The following DLGAP1 variants were observed in gnomAD, a reference collection of about 807,000 sequenced individuals.
The protein encoded by DLGAP1 is disks large-associated protein 1.
In DLGAP1, 11 loss-of-function variants were observed where a neutral mutation model predicts 90.8. The ratio of observed to expected loss-of-function variants is 0.12; its 90% CI spans 0.08 to 0.20. DLGAP1 has a LOEUF of 0.20. DLGAP1 is among the 10% of genes least tolerant of loss of function. The probability of loss-of-function intolerance (pLI) is 1.00; values close to 1 mark genes in which losing one functional copy is unlikely to be tolerated. For missense variants in DLGAP1, 1,050 were observed against 1,333.8 expected (o/e 0.79, Z 3.31); for synonymous variants, 558 against 540.7 (o/e 1.03, Z -0.44).
At chr18:4,161,074 A>AT (rs2076835869) in intron 1 of DLGAP1, among the ~76,000 whole-genome samples, 1 of 134,136 alleles carries the variant, frequency 7.5e-6, no homozygotes, top group African/African-American at 2.8e-5. Flanking sequence ...TCCACAGTTT[A>AT]TTTTTTTCTT....
intron 1 of DLGAP1, among the ~76,000 whole-genome samples, chr18:4,299,992 G>A (rs909096826): frequency 7.0e-5 from 10 of 143,488 alleles, no homozygotes; most frequent in African/African-American, 2.4e-4. Flanking sequence ...AACCTATTTA[G>A]AATATCCAAA....
Position 4,226,191 on chromosome 18 carries a change from T to C in DLGAP1, c.-266-74904A>G, listed in dbSNP as rs531798228. On this transcript the variant is annotated intron_variant, in intron 1 of 12. Coordinates refer to ENST00000315677, the MANE Select transcript of DLGAP1 (RefSeq NM_004746.4). ...AAACCATTGATCTTAGAATAGGATA[T>C]CCAGCAAAAATATTCTTTGAACATG... is the stretch of plus-strand genomic sequence containing the variant. 3.0e-3 allele frequency among the ~76,000 whole-genome samples: 461 copies of C among 152,106 alleles called. 3 individuals are homozygous for C. Among genetic ancestry groups the C allele is most frequent in the African/African-American group, 0.011 (443 of 41,510 alleles).
intron 2 of DLGAP1, among the ~76,000 whole-genome samples, chr18:4,118,834 C>T (rs1047482880): frequency 6.6e-6 from 1 of 152,130 alleles, no homozygotes; most frequent in Non-Finnish European, 1.5e-5. Context: ...GAATATTACC[C>T]TATTTACTTT....
intron 2 of DLGAP1, among the ~76,000 whole-genome samples, chr18:4,123,903 C>A (rs1378182620): frequency 6.6e-6 from 1 of 152,184 alleles, no homozygotes; most frequent in African/African-American, 2.4e-5. Flanking sequence ...ACATGAACAT[C>A]AGCAGGTGTG....
At chr18:4,214,327 G>T (rs79548359) in intron 1 of DLGAP1, among the ~76,000 whole-genome samples, 3 of 149,986 alleles carry the variant, frequency 2.0e-5, no homozygotes, top group East Asian at 1.9e-4. Flanking sequence ...TTTTTTTGGT[G>T]GGGGGAAAAG....
chr18:4,180,056 C>T (rs2077180279), intron 1 of DLGAP1, among the ~76,000 whole-genome samples: 1 of 152,146 alleles, frequency 6.6e-6, no homozygotes, highest in South Asian at 2.1e-4. Context: ...TCAAATAACA[C>T]AGCAACATGG....
chr18:3,649,335 C>T (rs1311982478), intron 7 of DLGAP1, among the ~76,000 whole-genome samples: 2 of 152,276 alleles, frequency 1.3e-5, no homozygotes, highest in African/African-American at 4.8e-5. Context: ...CCACAGGTCC[C>T]AGAAAGGTGA....
intron 8 of DLGAP1, among the ~76,000 whole-genome samples, chr18:3,572,650 A>C (rs563840257): frequency 6.6e-6 from 1 of 152,292 alleles, no homozygotes; most frequent in Non-Finnish European, 1.5e-5. Context: ...GGATTTTGCC[A>C]TGCTGGCCAG....
intron 1 of DLGAP1, among the ~76,000 whole-genome samples, chr18:4,389,506 A>G (rs770439438): frequency 6.6e-6 from 1 of 152,212 alleles, no homozygotes. Context: ...TGGTAAATTT[A>G]ATGTTCTGTG....
chr18:3,754,850 C>T (rs1021993709), intron 5 of DLGAP1, among the ~76,000 whole-genome samples: 5 of 151,490 alleles, frequency 3.3e-5, no homozygotes, highest in Non-Finnish European at 7.4e-5. Context: ...GAGCAGAGAT[C>T]GTGCCACTAC....
At chr18:3,687,910 T>C (rs1389247165) in intron 7 of DLGAP1, among the ~76,000 whole-genome samples, 2 of 150,476 alleles carry the variant, frequency 1.3e-5, no homozygotes, top group African/African-American at 4.9e-5. Context: ...AGAGACTGTT[T>C]TTTTTTTTTT....
Position 3,935,527 on chromosome 18 carries a change from C to T in DLGAP1, c.-72-55387G>A, listed in dbSNP as rs569711505. Among the ~76,000 whole-genome samples, 348 of 152,268 alleles carry T rather than the reference C, an allele frequency of 2.3e-3. 3 individuals are homozygous for T. Among genetic ancestry groups the T allele is most frequent in the African/African-American group, 7.6e-3 (314 of 41,558 alleles). ...TGCTAATAGAAGTATCAAGTTACTA[C>T]GTCTCAGGATGGGCTGCTGATGCAA... On this transcript the variant is annotated intron_variant, in intron 3 of 12. Transcript: ENST00000315677.
chr18:3,547,596 A>G (rs1258019932), intron 9 of DLGAP1, among the ~76,000 whole-genome samples: 1 of 5,760 alleles, frequency 1.7e-4, no homozygotes, highest in African/African-American at 1.9e-4. Flanking sequence ...GATAGCCATA[A>G]GGGAAAAAAT....
chr18:3,815,300 G>A (rs1260504382), intron 4 of DLGAP1, among the ~76,000 whole-genome samples: 1 of 152,060 alleles, frequency 6.6e-6, no homozygotes, highest in East Asian at 1.9e-4. Flanking sequence ...TTCTTAATTT[G>A]GATTCAGCTT....
At chr18:3,869,441 A>C (rs2148788030) in intron 4 of DLGAP1, among the ~76,000 whole-genome samples, 1 of 152,328 alleles carries the variant, frequency 6.6e-6, no homozygotes, top group Non-Finnish European at 1.5e-5. Context: ...CTGTAGTCCC[A>C]GCTACGCTGA....
At position 4,019,718 on chromosome 18, in the gene DLGAP1, T is replaced by C. The variant is rs554509202; in HGVS notation, c.-158-14517A>G. Among the ~76,000 whole-genome samples the C allele has an allele frequency of 3.7e-4, 56 of 152,296 alleles. 2 individuals are homozygous for C. In the South Asian group the frequency reaches 0.011, roughly 31 times the overall value. ...TTTAACTAGATTATTAAGTAGATACTTCTTCTGTGTTGCAGGATCAATCTT... is the reference window on the plus strand; with the variant it reads ...TTTAACTAGATTATTAAGTAGATACCTCTTCTGTGTTGCAGGATCAATCTT... On this transcript the variant is annotated intron_variant, in intron 2 of 12. Transcript: ENST00000315677.
intron 6 of DLGAP1, among the ~76,000 whole-genome samples, chr18:3,739,724 T>C (rs1296310275): frequency 1.3e-5 from 2 of 152,048 alleles, no homozygotes; most frequent in East Asian, 3.9e-4. Context: ...CATGTATACA[T>C]ATGTAACTAA....
At position 3,961,820 on chromosome 18, in the gene DLGAP1, CTCA is replaced by C. The variant is rs1267262140; in HGVS notation, c.-73+43293_-73+43295del. ...AAGCATGGGCTTGGGGGCCTGCAGA[CTCA>C]TCATGCTGCTGTGAGGGGCATGGAC... On this transcript the variant is annotated intron_variant, in intron 3 of 12. Transcript: ENST00000315677. Among the ~76,000 whole-genome samples the C allele has an allele frequency of 5.3e-5, 8 of 152,302 alleles. No homozygotes were observed. The South Asian group carries it at 8.3e-4, about 16-fold the overall frequency.
chr18:3,790,613 C>A (rs2065688734), intron 5 of DLGAP1, among the ~76,000 whole-genome samples: 1 of 152,104 alleles, frequency 6.6e-6, no homozygotes, highest in African/African-American at 2.4e-5. Flanking sequence ...TGGATTAGGT[C>A]ATGATTTTCA....
Sources: allele counts gnomAD v4.1 joint callset (sites outside exome capture counted in the v4.1 genomes callset), GRCh38; gene constraint gnomAD v4.1.1; transcripts MANE v1.5; gene names NCBI Gene and HGNC (gene_info 2026-07-23, HGNC 2026-07-21).